The following AGAP3 variants were observed in gnomAD, a reference collection of about 807,000 sequenced individuals.
AGAP3 encodes arf-GAP with GTPase, ANK repeat and PH domain-containing protein 3.
A neutral mutation model predicts 96.9 loss-of-function variants in AGAP3; 24 were observed. The ratio of observed to expected loss-of-function variants is 0.25; its 90% CI spans 0.18 to 0.35. The LOEUF is 0.35. Ranked by LOEUF, AGAP3 falls within the 10% of genes least tolerant of loss-of-function variation. The pLI, the probability that AGAP3 is intolerant of heterozygous loss-of-function variation, is 1.00. For synonymous variants in AGAP3, 563 were observed against 536.1 expected (o/e 1.05, Z -0.69); for missense variants, 876 against 1,254.2 (o/e 0.70, Z 4.55).
rs1425403377 is a variant in AGAP3, at chr7:151,114,316, TTGGCTCTTC to T, written c.332-2467_332-2459del. 6.6e-6 allele frequency among the ~76,000 whole-genome samples: 1 copy of T among 152,262 alleles called. No homozygotes were observed. Among genetic ancestry groups the T allele is most frequent in the Admixed American group, 6.5e-5 (1 of 15,292 alleles). ...TGTCATACTTCTGGGCCTCATGTTCTTGGCTCTTCTGGCTCTTCCTTTGAAGAATGAGAA... is the reference window on the plus strand; with the variant it reads ...TGTCATACTTCTGGGCCTCATGTTCTTGGCTCTTCCTTTGAAGAATGAGAA... On this transcript the variant is annotated intron_variant, in intron 1 of 17. Transcript: ENST00000397238. This position sits in a 1 kb window ranked among gnomAD's most constrained non-coding sequence, Gnocchi z 4.4.
At position 151,096,034 on chromosome 7, in the gene AGAP3, A is replaced by T. The variant is rs1436491330; in HGVS notation, c.331+8962A>T. ...GAGTTCCTTAACCCCTCTGTGTCTT[A>T]GCTTCGCCATTGGTAAAACATGGGC... is the stretch of plus-strand genomic sequence containing the variant. On this transcript the variant is annotated intron_variant, in intron 1 of 17. Coordinates refer to ENST00000397238, the MANE Select transcript of AGAP3 (RefSeq NM_031946.7). This position sits in a 1 kb window ranked among gnomAD's most constrained non-coding sequence, Gnocchi z 4.4. Among the ~76,000 whole-genome samples, 1 of 152,192 alleles carries T rather than the reference A, an allele frequency of 6.6e-6. No homozygotes were observed. The highest frequency in any genetic ancestry group is 1.5e-5 in the Non-Finnish European group (1 of 68,042).
intron 3 of AGAP3, 43 bp from the exon 4 acceptor site, chr7:151,117,328 T>C (rs768748451): frequency 6.2e-7 from 1 of 1,612,250 alleles, no homozygotes. Flanking sequence ...GGCCCCTGGA[T>C]TCTTTCTCCA....
At position 151,133,204 on chromosome 7, in the gene AGAP3, A is replaced by G. The variant is rs116248655; in HGVS notation, c.1327-1196A>G. Among the ~76,000 whole-genome samples the G allele has an allele frequency of 1.3e-5, 2 of 152,228 alleles. No individual in the cohort carries two copies. The highest frequency in any genetic ancestry group is 4.8e-5 in the African/African-American group (2 of 41,448). ...TTCTCTCAGGAAGGGGCATAGACCCATGGAGAGGAATTTGTGCCACTTTAC... is the reference window on the plus strand; with the variant it reads ...TTCTCTCAGGAAGGGGCATAGACCCGTGGAGAGGAATTTGTGCCACTTTAC... On this transcript the variant is annotated intron_variant, in intron 10 of 17. Coordinates refer to ENST00000397238, the MANE Select transcript of AGAP3 (RefSeq NM_031946.7). This position sits in a 1 kb window ranked among gnomAD's most constrained non-coding sequence, Gnocchi z 5.4.
intron 8 of AGAP3, chr7:151,123,541 CCT>C (rs1800020636): frequency 1.5e-6 from 2 of 1,314,616 alleles, no homozygotes; most frequent in African/African-American, 1.5e-5. Context: ...GCGCCCTCGG[CCT>C]CTCTGTCCTT....
chr7:151,089,520 GGTTT>G (rs1563412573), intron 1 of AGAP3, among the ~76,000 whole-genome samples: 1 of 152,138 alleles, frequency 6.6e-6, no homozygotes, highest in Admixed American at 6.5e-5. Context: ...TTCGGTGAAG[GGTTT>G]GTTTGTCCCA....
chr7:151,093,145 G>A (rs1798465006), intron 1 of AGAP3, among the ~76,000 whole-genome samples: 1 of 152,242 alleles, frequency 6.6e-6, no homozygotes, highest in South Asian at 2.1e-4. Context: ...ATATGTGTGT[G>A]TATATATATT....
intron 1 of AGAP3, among the ~76,000 whole-genome samples, chr7:151,091,451 G>C (rs1162683144): frequency 6.6e-6 from 1 of 152,178 alleles, no homozygotes. Context: ...CCTACTGTGC[G>C]GCCCAGTTGC....
At chr7:151,113,300 A>G (rs943911384) in intron 1 of AGAP3, among the ~76,000 whole-genome samples, 4 of 152,188 alleles carry the variant, frequency 2.6e-5, no homozygotes, top group African/African-American at 9.7e-5. Flanking sequence ...CATGCATCCC[A>G]TACAGGAAGA....
Position 151,134,543 on chromosome 7 carries a change from T to G in AGAP3, c.1470T>G (p.Ser490Arg). 1.2e-6 allele frequency: 2 copies of G among 1,612,044 alleles called. No individual in the cohort carries two copies. Among genetic ancestry groups the G allele is most frequent in the South Asian group, 2.2e-5 (2 of 90,934 alleles). The change falls in exon 11 of 18, where the codon AGT (serine) becomes AGG (arginine). Residue 490 changes from serine to arginine, a missense_variant. By Grantham distance (110) the Ser-to-Arg change is moderately radical. This residue lies in a region of AGAP3 where 155 missense variants were observed against 144.4 expected (regional missense o/e 1.07). Transcript: ENST00000397238. Reference protein sequence around the residue: ...PRANGLSVERSNTQLGGGTGA... With the variant: ...PRANGLSVERRNTQLGGGTGA... ...CCAACGGGCTGTCCGTGGAGCGGAG[T>G]AACACACAGCTGGGTGGGGGCACAG...
intron 1 of AGAP3, among the ~76,000 whole-genome samples, chr7:151,095,917 A>G (rs1458065533): frequency 2.6e-5 from 4 of 151,418 alleles, no homozygotes; most frequent in Non-Finnish European, 4.4e-5. Flanking sequence ...TCAGGGCCTG[A>G]ATAGAATAGA....
At chr7:151,136,445 C>T (rs1800598842) in intron 11 of AGAP3, 1 of 152,274 alleles carries the variant, frequency 6.6e-6, no homozygotes, top group African/African-American at 2.4e-5. Context: ...CCGACGCCGA[C>T]ACCGACCCTC....
chr7:151,114,358 G>A lies in AGAP3; in HGVS notation c.332-2435G>A, dbSNP rs571471018. 3.3e-5 allele frequency among the ~76,000 whole-genome samples: 5 copies of A among 152,204 alleles called. No individual in the cohort carries two copies. Among genetic ancestry groups the A allele is most frequent in the Non-Finnish European group, 7.3e-5 (5 of 68,036 alleles). On this transcript the variant is annotated intron_variant, in intron 1 of 17. Transcript: ENST00000397238. This position sits in a 1 kb window ranked among gnomAD's most constrained non-coding sequence, Gnocchi z 4.4. ...TCCTTTGAAGAATGAGAAATGGCCC[G>A]CTTTTCTCCAAAATGGGGCCCAGTG...
At position 151,142,581 on chromosome 7, in the gene AGAP3, C is replaced by T. The variant is rs768504490; in HGVS notation, c.2220C>T (p.Ser740=). The T allele has an allele frequency of 2.0e-5, 33 of 1,613,560 alleles. No homozygotes were observed. Among genetic ancestry groups the T allele is most frequent in the Middle Eastern group, 1.7e-4 (1 of 5,990 alleles). The change falls in exon 16 of 18, where the codon AGC becomes AGT. Residue 740 remains serine, a synonymous_variant. Coordinates refer to ENST00000397238, the MANE Select transcript of AGAP3 (RefSeq NM_031946.7). The surrounding 1 kb of genome is among the most constrained non-coding windows in gnomAD (Gnocchi z 7.5). ...CCATGGGCAATGCCCTCGCCAACAG[C>T]GTCTGGGAGGGGGCCTTGGGTGGCT... ...MTAMGNALAN[S]VWEGALGGYS...
chr7:151,115,155 T>C, intron 1 of AGAP3: 2 of 1,041,966 alleles, frequency 1.9e-6, no homozygotes, highest in Non-Finnish European at 2.3e-6. Context: ...CAGCATGACT[T>C]TCCTGGAGGT....
intron 12 of AGAP3, among the ~76,000 whole-genome samples, chr7:151,138,919 C>G (rs1800714885): frequency 6.6e-6 from 1 of 152,170 alleles, no homozygotes; most frequent in South Asian, 2.1e-4. Flanking sequence ...ACTCCACCGC[C>G]TCTCCCGTCT....
chr7:151,143,719 ATG>A lies in AGAP3; in HGVS notation c.2530-14_2530-13del. On this transcript the variant is annotated splice_polypyrimidine_tract_variant and intron_variant, in intron 17 of 17. Coordinates refer to ENST00000397238, the MANE Select transcript of AGAP3 (RefSeq NM_031946.7). This position sits in a 1 kb window ranked among gnomAD's most constrained non-coding sequence, Gnocchi z 5.9. ...CTCCCATGTCTTGCCAACTGTCAACATGTGTTTTCTCCTACAGTACGGGGTGG... is the reference window on the plus strand; with the variant it reads ...CTCCCATGTCTTGCCAACTGTCAACATGTTTTCTCCTACAGTACGGGGTGG... The A allele has an allele frequency of 6.2e-7, 1 of 1,613,872 alleles. No homozygotes were observed. The highest frequency in any genetic ancestry group is 8.5e-7 in the Non-Finnish European group (1 of 1,179,834).
In AGAP3 at chr7:151,133,413, GAAGC is replaced by G. The variant is rs1239838160; in HGVS notation, c.1327-986_1327-983del. ...GAGGCCCAGCGGGGCTCCAGGCCAG[GAAGC>G]GGCAGGCTCCCACCCTCCCTCCCTG... On this transcript the variant is annotated intron_variant, in intron 10 of 17. Transcript: ENST00000397238. The surrounding 1 kb of genome is among the most constrained non-coding windows in gnomAD (Gnocchi z 5.4). Among the ~76,000 whole-genome samples the G allele has an allele frequency of 2.6e-5, 4 of 152,178 alleles. No individual in the cohort carries two copies. Among genetic ancestry groups the G allele is most frequent in the Non-Finnish European group, 5.9e-5 (4 of 68,034 alleles).
intron 7 of AGAP3, among the ~76,000 whole-genome samples, chr7:151,119,587 T>C (rs1420487245): frequency 6.6e-6 from 1 of 152,176 alleles, no homozygotes; most frequent in Admixed American, 6.5e-5. Context: ...TAAACATACA[T>C]ACCTGAATGT....
Position 151,143,070 on chromosome 7 carries a change from T to C in AGAP3, c.2274-271T>C. 6.6e-6 allele frequency among the ~76,000 whole-genome samples: 1 copy of C among 152,168 alleles called. No individual in the cohort carries two copies. ...GCCTGCCTGGAATCTTCCTGCCCTC[T>C]CAGCCCCCGCATCCCCACTGTCCCC... On this transcript the variant is annotated intron_variant, in intron 16 of 17. Coordinates refer to ENST00000397238, the MANE Select transcript of AGAP3 (RefSeq NM_031946.7). This position sits in a 1 kb window ranked among gnomAD's most constrained non-coding sequence, Gnocchi z 5.9.
Sources: gnomAD v4.1 joint callset for allele counts (sites outside exome capture counted in the v4.1 genomes callset) on GRCh38, gnomAD v4.1.1 for gene constraint, gnomAD v4.1.1 regional missense constraint, Gnocchi (gnomAD v3.1) non-coding constraint, MANE v1.5 for transcripts, NCBI Gene and HGNC (gene_info 2026-07-23, HGNC 2026-07-21) for gene names.